The following TSPOAP1 variants were observed in gnomAD, a reference collection of about 807,000 sequenced individuals.
TSPOAP1 encodes the protein peripheral-type benzodiazepine receptor-associated protein 1.
In TSPOAP1, 87 loss-of-function variants were observed where a neutral mutation model predicts 197.0. That is an observed-to-expected ratio of 0.44 (90% confidence interval 0.37 to 0.53). The LOEUF is 0.53. TSPOAP1 is among the 20% of genes least tolerant of loss of function. The pLI is 0.00. For missense variants in TSPOAP1, 2,174 were observed against 2,411.3 expected (o/e 0.90, Z 2.06); for synonymous variants, 913 against 998.9 (o/e 0.91, Z 1.62).
chr17:58,304,514 T>C lies in TSPOAP1; in HGVS notation c.5545-115A>G. ...GCCCTACTCTCCAAGGCCTTTGTGT[T>C]CACACATGGAAGCCCTGAGTTTTCT... On this transcript the variant is annotated intron_variant, in intron 30 of 31. Transcript: ENST00000343736. This position sits in a 1 kb window ranked among gnomAD's most constrained non-coding sequence, Gnocchi z 4.2. 1.2e-6 allele frequency: 1 copy of C among 819,006 alleles called. No homozygotes were observed. Among genetic ancestry groups the C allele is most frequent in the East Asian group, 2.4e-5 (1 of 41,218 alleles). The allele number at this position is 819,006 out of a possible 1,614,324, so 50.7% of individuals were successfully genotyped here. A position where few individuals can be genotyped will look rare whatever the true frequency, so the allele number is the denominator to read the frequency against.
Position 58,326,856 on chromosome 17 carries a change from G to A in TSPOAP1, c.334-66C>T. 7.5e-7 allele frequency: 1 copy of A among 1,341,244 alleles called. No homozygotes were observed. Among genetic ancestry groups the A allele is most frequent in the Non-Finnish European group, 1.1e-6 (1 of 935,334 alleles). The allele number at this position is 1,341,244 out of a possible 1,614,324, so 83.1% of individuals were successfully genotyped here. The stretch of plus-strand genomic sequence containing the variant: ...ACGTCACCCAGCCAGAGCCTTCCCT[G>A]TGGAAGCATCCACCATCCATGGTCC... On this transcript the variant is annotated intron_variant, in intron 1 of 31. Transcript: ENST00000343736. This position sits in a 1 kb window ranked among gnomAD's most constrained non-coding sequence, Gnocchi z 4.7.
intron 20 of TSPOAP1, 68 bp from the exon 21 acceptor site, chr17:58,310,226 T>A: frequency 1.3e-6 from 2 of 1,494,498 alleles, no homozygotes; most frequent in Non-Finnish European, 1.8e-6. Flanking sequence ...CCAGGCAGGG[T>A]CAGCCCCAGC....
In TSPOAP1 at chr17:58,324,107, T is replaced by C. The variant is rs1015538037; in HGVS notation, c.943-562A>G. ...GGACAGGTCTTGATGGGAGGGTGCATCTCCCTTCCAGGGCCAGCCAGGGAG... is the reference window on the plus strand; with the variant it reads ...GGACAGGTCTTGATGGGAGGGTGCACCTCCCTTCCAGGGCCAGCCAGGGAG... On this transcript the variant is annotated intron_variant, in intron 5 of 31. Coordinates refer to ENST00000343736, the MANE Select transcript of TSPOAP1 (RefSeq NM_004758.4). This position sits in a 1 kb window ranked among gnomAD's most constrained non-coding sequence, Gnocchi z 5.8. Among the ~76,000 whole-genome samples, 2 of 152,106 alleles carry C rather than the reference T, an allele frequency of 1.3e-5. No individual in the cohort carries two copies. Among genetic ancestry groups the C allele is most frequent in the Admixed American group, 6.5e-5 (1 of 15,282 alleles).
In TSPOAP1 at chr17:58,318,389, G is replaced by C; in HGVS notation, c.1763C>G (p.Ala588Gly). ...CTPKSSEPAP[A>G]TLTGVPRRTA... Reference sequence around the variant, plus strand: ...CCTTCGAGGGACCCCAGTGAGAGTGGCAGGGGCAGGCTCGGAAGACTTTGG... The same window carrying C: ...CCTTCGAGGGACCCCAGTGAGAGTGCCAGGGGCAGGCTCGGAAGACTTTGG... The change falls in exon 14 of 32, where the codon GCC (alanine) becomes GGC (glycine). Residue 588 changes from alanine (A) to glycine (G), a missense_variant. By Grantham distance (60) the Ala-to-Gly change is moderately conservative (BLOSUM62 0). Coordinates refer to ENST00000343736, the MANE Select transcript of TSPOAP1 (RefSeq NM_004758.4). 1 of 1,614,112 alleles carries C rather than the reference G, an allele frequency of 6.2e-7. No homozygotes were observed. Among genetic ancestry groups the C allele is most frequent in the Non-Finnish European group, 8.5e-7 (1 of 1,180,006 alleles).
rs923253533 is a variant in TSPOAP1 at position 58,301,614 on chromosome 17, C to T, written c.*866G>A. 2 of 152,700 alleles carry T rather than the reference C, an allele frequency of 1.3e-5. No individual in the cohort carries two copies. The highest frequency in any genetic ancestry group is 4.8e-5 in the African/African-American group (2 of 41,450). The allele number at this position is 152,700 out of a possible 1,614,324, so 9.5% of individuals were successfully genotyped here. A position where few individuals can be genotyped will look rare whatever the true frequency, so the allele number is the denominator to read the frequency against. On this transcript the variant is annotated 3_prime_UTR_variant, in exon 32 of 32. Coordinates refer to ENST00000343736, the MANE Select transcript of TSPOAP1 (RefSeq NM_004758.4). ...CAGGGTCTTTGGGGGCGGGACCTTACAGGGGCCAGCAGGCCCCGGCAGGGA... is the reference window on the plus strand; with the variant it reads ...CAGGGTCTTTGGGGGCGGGACCTTATAGGGGCCAGCAGGCCCCGGCAGGGA...
In TSPOAP1 at chr17:58,318,958, T is replaced by C. The variant is rs1022236390; in HGVS notation, c.1699+132A>G. Reference sequence around the variant, plus strand: ...ATTTTTCCCCAACAGAACGTGGTTCTAGCCAGGCACAGCTCTAACCTGCTG... The same window carrying C: ...ATTTTTCCCCAACAGAACGTGGTTCCAGCCAGGCACAGCTCTAACCTGCTG... On this transcript the variant is annotated intron_variant, in intron 13 of 31. Transcript: ENST00000343736. The C allele has an allele frequency of 8.4e-6, 9 of 1,073,930 alleles. No homozygotes were observed. In the Admixed American group the frequency reaches 2.4e-4, roughly 29 times the overall value. 66.5% of individuals were successfully genotyped at this position (1,073,930 alleles called of 1,614,324 possible).
In TSPOAP1 at chr17:58,326,431, G is replaced by T. The variant is rs774082627; in HGVS notation, c.442-10C>A. 2.5e-6 allele frequency: 4 copies of T among 1,613,148 alleles called. No individual in the cohort carries two copies. The South Asian group carries it at 3.3e-5, about 13-fold the overall frequency. ...GGAAGCTGCTCTTCCTCTGACAAGGGGTCAGGCAGAATTGGGGCATGTAGG... is the reference window on the plus strand; with the variant it reads ...GGAAGCTGCTCTTCCTCTGACAAGGTGTCAGGCAGAATTGGGGCATGTAGG... On this transcript the variant is annotated splice_polypyrimidine_tract_variant and intron_variant, in intron 2 of 31. Transcript: ENST00000343736. The surrounding 1 kb of genome is among the most constrained non-coding windows in gnomAD (Gnocchi z 4.7).
In TSPOAP1 at chr17:58,318,293, C is replaced by T; in HGVS notation, c.1859G>A (p.Cys620Tyr). 1.2e-6 allele frequency: 2 copies of T among 1,614,170 alleles called. No individual in the cohort carries two copies. The highest frequency in any genetic ancestry group is 1.7e-6 in the Non-Finnish European group (2 of 1,180,006). Residue 620 changes from cysteine to tyrosine, a missense_variant, in exon 14 of 32, where the codon TGC becomes TAC. Cys to Tyr is a radical substitution (Grantham distance 194, BLOSUM62 -2). Around this residue, in one of 5 missense-constraint regions of TSPOAP1, gnomAD observed 1,933 missense variants for 2,139.0 expected, o/e 0.90. Transcript: ENST00000343736. ...CCCAGCAATTACCTCAGGTGTAGGG[C>T]ATGACTTGGGGCTGTTGTGGATGGA... is the stretch of plus-strand genomic sequence containing the variant. ...SESIHNSPKS[C>Y]PTPEVDTASE...
At position 58,322,715 on chromosome 17, in the gene TSPOAP1, G is replaced by A; in HGVS notation, c.1256C>T (p.Ser419Leu). Residue 419 changes from serine to leucine, a missense_variant, in exon 9 of 32, where the codon TCA becomes TTA. Ser to Leu is a moderately radical substitution (Grantham distance 145). Coordinates refer to ENST00000343736, the MANE Select transcript of TSPOAP1 (RefSeq NM_004758.4). The surrounding 1 kb of genome is among the most constrained non-coding windows in gnomAD (Gnocchi z 5.0). ...QLLGVTQERD[S>L]ALRKSQGLQS... ...CAGGCCCTGGCTCTTGCGAAGGGCT[G>A]AGTCCCTCTCCTGTGTCACCCCCAG... 4 of 1,612,712 alleles carry A rather than the reference G, an allele frequency of 2.5e-6. No homozygotes were observed. Among genetic ancestry groups the A allele is most frequent in the Non-Finnish European group, 3.4e-6 (4 of 1,179,996 alleles).
rs757498178 is a variant in TSPOAP1, at chr17:58,326,340, G to A, written c.523C>T (p.Arg175Cys). The A allele has an allele frequency of 7.4e-6, 12 of 1,613,912 alleles. No homozygotes were observed. The highest frequency in any genetic ancestry group is 4.5e-5 in the East Asian group (2 of 44,890). ...KNAELAVIAK[R>C]LEERARKLQE... is the part of the protein sequence containing the mutation. ...AGCTTTCGGGCCCTCTCCTCCAGGC[G>A]CTTGGCAATGACCGCCAGCTCGGCG... The change falls in exon 3 of 32, where the codon CGC becomes TGC. Residue 175 changes from arginine (R) to cysteine (C), a missense_variant. Around this residue, in one of 5 missense-constraint regions of TSPOAP1, gnomAD observed 1,933 missense variants for 2,139.0 expected, o/e 0.90. Coordinates refer to ENST00000343736, the MANE Select transcript of TSPOAP1 (RefSeq NM_004758.4). This position sits in a 1 kb window ranked among gnomAD's most constrained non-coding sequence, Gnocchi z 4.7.
In TSPOAP1 at chr17:58,309,546, G is replaced by C. The variant is rs974583830; in HGVS notation, c.3892-166C>G. ...AGAGGAGAGAACCAGAGGGACGGTG[G>C]CTGGCCCAAATTCACACACATATCC... On this transcript the variant is annotated intron_variant, in intron 21 of 31. Coordinates refer to ENST00000343736, the MANE Select transcript of TSPOAP1 (RefSeq NM_004758.4). This position sits in a 1 kb window ranked among gnomAD's most constrained non-coding sequence, Gnocchi z 5.0. 1.3e-5 allele frequency among the ~76,000 whole-genome samples: 2 copies of C among 152,046 alleles called. No individual in the cohort carries two copies. The highest frequency in any genetic ancestry group is 6.6e-5 in the Admixed American group (1 of 15,266).
chr17:58,311,498 G>C, intron 18 of TSPOAP1, 73 bp downstream of exon 18: 9 of 1,509,440 alleles, frequency 6.0e-6, no homozygotes, highest in Non-Finnish European at 8.0e-6. Context: ...TGCCAAGCCA[G>C]AGAGCCTAGA....
Position 58,312,450 on chromosome 17 carries a change from C to G in TSPOAP1, c.2371G>C (p.Val791Leu), listed in dbSNP as rs150042045. The G allele has an allele frequency of 1.2e-6, 2 of 1,612,300 alleles. No homozygotes were observed. Among genetic ancestry groups the G allele is most frequent in the Non-Finnish European group, 1.7e-6 (2 of 1,179,568 alleles). Residue 791 changes from valine to leucine, a missense_variant, in exon 17 of 32, where the codon GTG becomes CTG. Coordinates refer to ENST00000343736, the MANE Select transcript of TSPOAP1 (RefSeq NM_004758.4). The stretch of plus-strand genomic sequence containing the variant: ...ACCACCAGACGGCGGGGGTAAGGCA[C>G]GGCAGGAGGCTCGCCCAGGCCCTCC... ...SPEGLGEPPA[V>L]PYPRRLVVLK... is the part of the protein sequence containing the mutation.
At position 58,310,638 on chromosome 17, in the gene TSPOAP1, G is replaced by T; in HGVS notation, c.3573C>A (p.Ala1191=). Reference sequence around the variant, plus strand: ...GACAGGCCTCTCCTGCAGTCCACTCGGCCTCCTGCTTGGCCAGTGAGGGAG... The same window carrying T: ...GACAGGCCTCTCCTGCAGTCCACTCTGCCTCCTGCTTGGCCAGTGAGGGAG... The part of the protein sequence containing the change: ...PAAPSLAKQE[A]EWTAGEACPA... Residue 1191 remains alanine (A), a synonymous_variant, in exon 20 of 32, where the codon GCC becomes GCA. Transcript: ENST00000343736. 6.2e-7 allele frequency: 1 copy of T among 1,613,072 alleles called. No homozygotes were observed. Among genetic ancestry groups the T allele is most frequent in the Non-Finnish European group, 8.5e-7 (1 of 1,179,994 alleles).
chr17:58,308,670 T>C lies in TSPOAP1; in HGVS notation c.4602A>G (p.Gly1534=). Residue 1534 remains glycine, a synonymous_variant, in exon 22 of 32, where the codon GGA becomes GGG. Transcript: ENST00000343736. ...DGEAWGTATV[G]RPRGPPKANS... is the part of the protein sequence containing the mutation. ...TGGCCTTCGGAGGCCCCCTGGGCCT[T>C]CCTACAGTTGCTGTGCCCCAGGCCT... The C allele has an allele frequency of 6.2e-7, 1 of 1,612,504 alleles. No individual in the cohort carries two copies. Among genetic ancestry groups the C allele is most frequent in the Non-Finnish European group, 8.5e-7 (1 of 1,179,582 alleles).
At position 58,307,620 on chromosome 17, in the gene TSPOAP1, C is replaced by T. The variant is rs749449080; in HGVS notation, c.4974G>A (p.Gln1658=). 6.2e-7 allele frequency: 1 copy of T among 1,613,904 alleles called. No individual in the cohort carries two copies. The highest frequency in any genetic ancestry group is 8.5e-7 in the Non-Finnish European group (1 of 1,179,996). Residue 1658 remains glutamine, a synonymous_variant, in exon 24 of 32, where the codon CAG becomes CAA. Coordinates refer to ENST00000343736, the MANE Select transcript of TSPOAP1 (RefSeq NM_004758.4). The part of the protein sequence containing the change: ...GEEELPFREG[Q]ILKVFGDKDA... Reference sequence around the variant, plus strand: ...ATGGCGAATCAGTCACCTTCAGGATCTGACCCTCTCGGAAGGGAAGCTCTT... The same window carrying T: ...ATGGCGAATCAGTCACCTTCAGGATTTGACCCTCTCGGAAGGGAAGCTCTT...
intron 31 of TSPOAP1, chr17:58,302,910 G>A (rs1397893387): frequency 6.5e-6 from 1 of 152,930 alleles, no homozygotes; most frequent in African/African-American, 2.4e-5. Context: ...GACAGAAAGA[G>A]CGTCTCCCCA....
Position 58,310,648 on chromosome 17 carries a change from T to C in TSPOAP1, c.3563A>G (p.Lys1188Arg). 6.2e-7 allele frequency: 1 copy of C among 1,613,026 alleles called. No homozygotes were observed. Among genetic ancestry groups the C allele is most frequent in the Non-Finnish European group, 8.5e-7 (1 of 1,179,978 alleles). The change falls in exon 20 of 32, where the codon AAG (lysine) becomes AGG (arginine). Residue 1188 changes from lysine (K) to arginine (R), a missense_variant. By Grantham distance (26) the Lys-to-Arg change is conservative (BLOSUM62 2). This residue lies in a region of TSPOAP1 where 1,933 missense variants were observed against 2,139.0 expected (regional missense o/e 0.90). Coordinates refer to ENST00000343736, the MANE Select transcript of TSPOAP1 (RefSeq NM_004758.4). ...TCCTGCAGTCCACTCGGCCTCCTGC[T>C]TGGCCAGTGAGGGAGCTGCGGGGCC... ...DPGPAAPSLAKQEAEWTAGEA... is the reference protein window; with the variant it reads ...DPGPAAPSLARQEAEWTAGEA...
At position 58,312,378 on chromosome 17, in the gene TSPOAP1, G is replaced by A. The variant is rs1971100724; in HGVS notation, c.2443C>T (p.Pro815Ser). ...HSVVLAWEPP[P>S]EQVELHGFHI... Reference sequence around the variant, plus strand: ...AAGCCGTGTAGCTCCACTTGCTCAGGAGGCGGCTCCCAGGCCAGCACCACG... The same window carrying A: ...AAGCCGTGTAGCTCCACTTGCTCAGAAGGCGGCTCCCAGGCCAGCACCACG... Residue 815 changes from proline (P) to serine (S), a missense_variant, in exon 17 of 32, where the codon CCT becomes TCT. Pro to Ser is a moderately conservative substitution (Grantham distance 74). Transcript: ENST00000343736. The A allele has an allele frequency of 6.2e-7, 1 of 1,612,108 alleles. No individual in the cohort carries two copies. Among genetic ancestry groups the A allele is most frequent in the East Asian group, 2.2e-5 (1 of 44,842 alleles).
Sources: allele counts gnomAD v4.1 joint callset (sites outside exome capture counted in the v4.1 genomes callset), GRCh38; gene constraint gnomAD v4.1.1; regional missense constraint gnomAD v4.1.1; non-coding constraint Gnocchi (gnomAD v3.1); transcripts MANE v1.5; gene names NCBI Gene and HGNC (gene_info 2026-07-23, HGNC 2026-07-21).